STK33: variants seen among roughly 807,000 people sequenced by gnomAD.
STK33 encodes serine/threonine kinase 33.
STK33 carries 52 observed loss-of-function variants against 58.0 expected under a neutral mutation model. The ratio of observed to expected loss-of-function variants is 0.90; its 90% CI spans 0.72 to 1.13. The LOEUF (loss-of-function observed/expected upper bound fraction) is 1.13, where lower values mean the gene tolerates loss of function less well. STK33 is among the 50% of genes most tolerant of loss of function. The pLI, the probability that STK33 is intolerant of heterozygous loss-of-function variation, is 0.00. For missense variants in STK33, 630 were observed against 604.2 expected (o/e 1.04, Z -0.45); for synonymous variants, 215 against 200.1 (o/e 1.07, Z -0.63).
intron 1 of STK33, among the ~76,000 whole-genome samples, chr11:8,514,510 T>C (rs1952601861): frequency 6.6e-6 from 1 of 152,202 alleles, no homozygotes; most frequent in Non-Finnish European, 1.5e-5. Flanking sequence ...ATGTTACTGA[T>C]AGCCTCCAGG....
At chr11:8,350,414 G>A in the STK33 span, among the ~76,000 whole-genome samples, 1 of 152,206 alleles carries the variant, frequency 6.6e-6, no homozygotes, top group Non-Finnish European at 1.5e-5. Context: ...CTAGGAACAG[G>A]CTGAGCTAAG....
chr11:8,423,588 T>C (rs1312729329), intron 14 of STK33, among the ~76,000 whole-genome samples: 1 of 152,120 alleles, frequency 6.6e-6, no homozygotes, highest in Non-Finnish European at 1.5e-5. Context: ...TTAGAGAACA[T>C]GATCTGTGTT....
chr11:8,503,030 A>C (rs1951627562), intron 1 of STK33, among the ~76,000 whole-genome samples: 1 of 152,196 alleles, frequency 6.6e-6, no homozygotes, highest in Non-Finnish European at 1.5e-5. Context: ...TGCTGGTGGA[A>C]ATGTAAATTA....
chr11:8,461,932 A>T (rs1409800216), intron 7 of STK33, 23 bp from the exon 8 acceptor site: 1 of 1,534,234 alleles, frequency 6.5e-7, no homozygotes, highest in Admixed American at 2.2e-5. Flanking sequence ...AGAAACACAG[A>T]TTTCACATAA....
chr11:8,456,008 A>G (rs899825866), intron 9 of STK33, among the ~76,000 whole-genome samples: 1 of 152,078 alleles, frequency 6.6e-6, no homozygotes, highest in African/African-American at 2.4e-5. Flanking sequence ...TTTAACAAAC[A>G]TATCATTATG....
intron 6 of STK33, 128 bp from the exon 7 acceptor site, chr11:8,464,950 G>A (rs780306997): frequency 8.7e-6 from 5 of 573,592 alleles, no homozygotes; most frequent in South Asian, 2.8e-5. Flanking sequence ...TCAAATAGAA[G>A]ACACTATATA....
At chr11:8,511,068 A>T (rs763781485) in intron 1 of STK33, among the ~76,000 whole-genome samples, 20 of 152,130 alleles carry the variant, frequency 1.3e-4, no homozygotes, top group Non-Finnish European at 1.6e-4. Context: ...GAATCTGTAG[A>T]TTGCTTTTGG....
chr11:8,555,521 TG>T (rs965895550), intron 1 of STK33, among the ~76,000 whole-genome samples: 53 of 151,808 alleles, frequency 3.5e-4, no homozygotes, highest in African/African-American at 1.3e-3. Context: ...AAAAAGTAGC[TG>T]GGTGTGGTGG....
chr11:8,480,735 A>G (rs1032091036), intron 1 of STK33, 121 bp from the exon 2 acceptor site: 1 of 152,244 alleles, frequency 6.6e-6, no homozygotes, highest in African/African-American at 2.4e-5. Context: ...GCCCACATGT[A>G]GCTAAGGCAG....
intron 1 of STK33, among the ~76,000 whole-genome samples, chr11:8,522,373 G>A (rs994715301): frequency 4.0e-5 from 6 of 151,580 alleles, no homozygotes; most frequent in African/African-American, 1.5e-4. Flanking sequence ...CTATCCCAAG[G>A]ACAGAAAACC....
the STK33 span, among the ~76,000 whole-genome samples, chr11:8,367,135 A>G: frequency 6.6e-6 from 1 of 152,256 alleles, no homozygotes; most frequent in Non-Finnish European, 1.5e-5. Context: ...TGTGTGAACA[A>G]AGTACTAAAT....
intron 1 of STK33, among the ~76,000 whole-genome samples, chr11:8,496,277 A>G (rs1951050727): frequency 6.6e-6 from 1 of 152,192 alleles, no homozygotes; most frequent in African/African-American, 2.4e-5. Flanking sequence ...TTTGCCATAC[A>G]CTTTGTCTTT....
chr11:8,389,829 G>A (rs746453532), downstream of STK33, among the ~76,000 whole-genome samples: 2 of 152,036 alleles, frequency 1.3e-5, no homozygotes, highest in African/African-American at 2.4e-5. Context: ...CAAAATGAAA[G>A]GACAACTTTG....
the STK33 span, among the ~76,000 whole-genome samples, chr11:8,365,866 A>C: frequency 6.6e-6 from 1 of 151,660 alleles, no homozygotes; most frequent in South Asian, 2.1e-4. Flanking sequence ...GAGTCCTGGA[A>C]CTCGGGCTTC....
At chr11:8,464,654 C>T (rs1778038900) in intron 7 of STK33, 55 bp downstream of exon 7, 1 of 1,321,616 alleles carries the variant, frequency 7.6e-7, no homozygotes, top group Non-Finnish European at 1.1e-6. Context: ...GTACTGTCCA[C>T]ACCCACCCTG....
chr11:8,477,516 C>T (rs1456377701), intron 2 of STK33, among the ~76,000 whole-genome samples: 7 of 152,092 alleles, frequency 4.6e-5, no homozygotes, highest in East Asian at 3.8e-4. Context: ...GTATTCGTAA[C>T]GTACAGGTTT....
intron 1 of STK33, among the ~76,000 whole-genome samples, chr11:8,524,390 T>C (rs1470909747): frequency 1.3e-5 from 2 of 151,904 alleles, no homozygotes; most frequent in Non-Finnish European, 2.9e-5. Flanking sequence ...CATATTAACA[T>C]CTAAATTATA....
At chr11:8,531,853 A>G (rs1344572544) in intron 1 of STK33, among the ~76,000 whole-genome samples, 2 of 152,244 alleles carry the variant, frequency 1.3e-5, no homozygotes, top group African/African-American at 4.8e-5. Flanking sequence ...AAACCGCCAC[A>G]GCAACAAATA....
chr11:8,361,752 G>A, the STK33 span, among the ~76,000 whole-genome samples: 1 of 152,216 alleles, frequency 6.6e-6, no homozygotes, highest in Non-Finnish European at 1.5e-5. The surrounding 1 kb of genome is among the most constrained non-coding windows in gnomAD (Gnocchi z 4.8). Flanking sequence ...CCTCTGCAAG[G>A]GTCAGGACAG....
Sources: allele counts gnomAD v4.1 joint callset (sites outside exome capture counted in the v4.1 genomes callset), GRCh38; gene constraint gnomAD v4.1.1; non-coding constraint Gnocchi (gnomAD v3.1); transcripts MANE v1.5; gene names NCBI Gene and HGNC (gene_info 2026-07-23, HGNC 2026-07-21).